Variants in TBC1D5 observed in about 807,000 individuals in gnomAD.
TBC1D5 encodes the protein TBC1 domain family, member 5.
A neutral mutation model predicts 100.3 loss-of-function variants in TBC1D5; 75 were observed. That is an observed-to-expected ratio of 0.75 (90% CI 0.62 to 0.91). The LOEUF (loss-of-function observed/expected upper bound fraction) is 0.91, where lower values mean the gene tolerates loss of function less well. TBC1D5 is among the 40% of genes least tolerant of loss of function. The probability of loss-of-function intolerance (pLI) is 0.00; values close to 1 mark genes in which losing one functional copy is unlikely to be tolerated. For synonymous variants in TBC1D5, 323 were observed against 325.6 expected (o/e 0.99, Z 0.09); for missense variants, 910 against 942.4 (o/e 0.97, Z 0.45).
At chr3:17,357,346 C>A (rs891198194) in intron 13 of TBC1D5, among the ~76,000 whole-genome samples, 1 of 152,184 alleles carries the variant, frequency 6.6e-6, no homozygotes, top group Non-Finnish European at 1.5e-5. Context: ...AATTAGATAA[C>A]TAATCACCTT....
intron 17 of TBC1D5, 48 bp downstream of exon 18, chr3:17,233,637 T>C: frequency 1.8e-6 from 2 of 1,139,934 alleles, no homozygotes; most frequent in Admixed American, 5.6e-5. Context: ...GCAATGATAA[T>C]ACTGTAGGCA....
At chr3:17,446,277 A>G (rs562479366) in intron 3 of TBC1D5, among the ~76,000 whole-genome samples, 25 of 152,306 alleles carry the variant, frequency 1.6e-4, no homozygotes, top group African/African-American at 5.3e-4. Flanking sequence ...ATAAGAAACA[A>G]ATCCTATTGA....
chr3:17,315,302 T>C (rs947303208), intron 13 of TBC1D5, among the ~76,000 whole-genome samples: 1 of 152,208 alleles, frequency 6.6e-6, no homozygotes, highest in African/African-American at 2.4e-5. Flanking sequence ...GAAAACACTA[T>C]TATAAAAACA....
At chr3:17,555,022 G>C (rs2096505049) in intron 2 of TBC1D5, among the ~76,000 whole-genome samples, 1 of 151,632 alleles carries the variant, frequency 6.6e-6, no homozygotes, top group African/African-American at 2.4e-5. Flanking sequence ...GCTAATTTTT[G>C]TATTTTTAGA....
intron 13 of TBC1D5, among the ~76,000 whole-genome samples, chr3:17,317,048 CCA>C (rs2084782731): frequency 6.6e-6 from 1 of 152,146 alleles, no homozygotes; most frequent in Admixed American, 6.5e-5. Context: ...ATCTGGTTTA[CCA>C]CAGTTACTCT....
chr3:17,547,878 T>C (rs1394633670), intron 2 of TBC1D5, among the ~76,000 whole-genome samples: 1 of 152,222 alleles, frequency 6.6e-6, no homozygotes, highest in Admixed American at 6.5e-5. Context: ...ATGTAAGGAA[T>C]TTGACTGACA....
chr3:17,398,486 A>T (rs1262796614), intron 8 of TBC1D5, among the ~76,000 whole-genome samples: 1 of 152,156 alleles, frequency 6.6e-6, no homozygotes, highest in Non-Finnish European at 1.5e-5. Flanking sequence ...TATTTTTTGA[A>T]GTGTGCTTAT....
chr3:17,244,523 C>T (rs2076562927), intron 16 of TBC1D5, among the ~76,000 whole-genome samples: 2 of 151,954 alleles, frequency 1.3e-5, no homozygotes, highest in African/African-American at 4.8e-5. Context: ...TATTCTTTTC[C>T]CTTCTCTTTC....
At chr3:17,533,202 A>G (rs943545435) in intron 2 of TBC1D5, among the ~76,000 whole-genome samples, 1 of 152,132 alleles carries the variant, frequency 6.6e-6, no homozygotes, top group Non-Finnish European at 1.5e-5. Context: ...CCCTAAATCT[A>G]TTTCCCCATA....
intron 12 of TBC1D5, among the ~76,000 whole-genome samples, chr3:17,373,698 TG>T (rs532692660): frequency 2.0e-5 from 3 of 152,120 alleles, no homozygotes; most frequent in Non-Finnish European, 4.4e-5. Flanking sequence ...TACTGGTACA[TG>T]CCACAATATG....
intron 3 of TBC1D5, among the ~76,000 whole-genome samples, chr3:17,479,852 G>A (rs182826834): frequency 1.3e-5 from 2 of 152,284 alleles, no homozygotes; most frequent in Admixed American, 6.5e-5. Flanking sequence ...ATGAACCTGC[G>A]GGAGCGAGGG....
At chr3:17,559,798 C>T (rs979962255) in intron 2 of TBC1D5, among the ~76,000 whole-genome samples, 2 of 151,978 alleles carry the variant, frequency 1.3e-5, no homozygotes, top group Non-Finnish European at 2.9e-5. Flanking sequence ...ACTATATTGG[C>T]CAGGCTGGTC....
At chr3:17,425,838 G>A (rs920516416) in intron 4 of TBC1D5, among the ~76,000 whole-genome samples, 2 of 152,128 alleles carry the variant, frequency 1.3e-5, no homozygotes, top group African/African-American at 2.4e-5. Flanking sequence ...TTAATGAAGT[G>A]ATCACAAAAG....
chr3:17,226,133 T>C (rs181148683), intron 17 of TBC1D5, among the ~76,000 whole-genome samples: 1 of 150,142 alleles, frequency 6.7e-6, no homozygotes, highest in East Asian at 2.0e-4. Flanking sequence ...CTCAGACTTC[T>C]CTGCCTTTTT....
chr3:17,344,286 A>G (rs1021099233), intron 13 of TBC1D5, among the ~76,000 whole-genome samples: 1 of 152,162 alleles, frequency 6.6e-6, no homozygotes, highest in African/African-American at 2.4e-5. Context: ...ACAAACAGAG[A>G]GCCAAATCAT....
intron 1 of TBC1D5, among the ~76,000 whole-genome samples, chr3:17,645,830 C>T (rs2064968406): frequency 1.3e-5 from 2 of 152,038 alleles, no homozygotes; most frequent in Non-Finnish European, 2.9e-5. Flanking sequence ...TTCCCCCCTA[C>T]TTTTCTATTT....
At chr3:17,424,310 T>G (rs540263994) in intron 4 of TBC1D5, among the ~76,000 whole-genome samples, 1 of 152,342 alleles carries the variant, frequency 6.6e-6, no homozygotes, top group Non-Finnish European at 1.5e-5. Flanking sequence ...TTGCCTCTTT[T>G]GGCGAGGAGA....
intron 15 of TBC1D5, among the ~76,000 whole-genome samples, chr3:17,271,991 A>G (rs2079476236): frequency 1.3e-5 from 2 of 152,198 alleles, no homozygotes; most frequent in Non-Finnish European, 2.9e-5. Flanking sequence ...AAAGGGAAAT[A>G]TCACCTACAC....
chr3:17,365,810 C>T (rs756332243), intron 13 of TBC1D5, among the ~76,000 whole-genome samples: 35 of 152,180 alleles, frequency 2.3e-4, no homozygotes, highest in Non-Finnish European at 4.1e-4. Context: ...TCAGATGCCT[C>T]AGCTTTCTAC....
Sources: gnomAD v4.1 joint callset for allele counts (sites outside exome capture counted in the v4.1 genomes callset) on GRCh38, gnomAD v4.1.1 for gene constraint, MANE v1.5 for transcripts, NCBI Gene and HGNC (gene_info 2026-07-23, HGNC 2026-07-21) for gene names.